The following MEI4 variants were observed in gnomAD, a reference collection of about 807,000 sequenced individuals.
The protein encoded by MEI4 is meiosis-specific protein MEI4.
Under a neutral mutation model 31.4 loss-of-function variants are expected in MEI4, and 27 were observed. The observed-to-expected ratio is 0.86, with a 90% CI of 0.63 to 1.19. MEI4 has a LOEUF of 1.19. Among genes scored for constraint, MEI4 ranks in the 50% most tolerant of loss-of-function variants. The pLI is 0.00. For missense variants in MEI4, 329 were observed against 398.9 expected (o/e 0.82, Z 1.49); for synonymous variants, 122 against 145.4 (o/e 0.84, Z 1.16).
chr6:77,701,935 C>G (rs1355322889), intron 2 of MEI4, among the ~76,000 whole-genome samples: 3 of 152,148 alleles, frequency 2.0e-5, no homozygotes, highest in African/African-American at 7.2e-5. Context: ...TTGGGAGCTT[C>G]CTGATCCTCT....
chr6:77,754,072 G>A (rs1186602358), intron 2 of MEI4, among the ~76,000 whole-genome samples: 3 of 152,028 alleles, frequency 2.0e-5, no homozygotes, highest in African/African-American at 7.2e-5. Flanking sequence ...GACACAGGGA[G>A]GGGAACATCA....
chr6:77,776,374 C>T (rs187602320), intron 3 of MEI4, among the ~76,000 whole-genome samples: 63 of 151,990 alleles, frequency 4.1e-4, no homozygotes, highest in South Asian at 4.2e-4. Flanking sequence ...TAGGCCATGC[C>T]GCTACCCACA....
chr6:77,880,498 T>C (rs1392346623), intron 4 of MEI4, among the ~76,000 whole-genome samples: 1 of 152,200 alleles, frequency 6.6e-6, no homozygotes, highest in African/African-American at 2.4e-5. Flanking sequence ...GTATAAAGAA[T>C]ATGTTATTTT....
chr6:77,814,289 G>T (rs544545911), intron 3 of MEI4, among the ~76,000 whole-genome samples: 1 of 152,220 alleles, frequency 6.6e-6, no homozygotes, highest in East Asian at 1.9e-4. Context: ...TTTAGCAAAT[G>T]AATATCTCAG....
At chr6:77,801,115 G>C (rs1023121608) in intron 3 of MEI4, among the ~76,000 whole-genome samples, 12 of 152,086 alleles carry the variant, frequency 7.9e-5, no homozygotes, top group Non-Finnish European at 1.2e-4. Context: ...GTGAATCCAT[G>C]TGGTCCTGGA....
intron 2 of MEI4, among the ~76,000 whole-genome samples, chr6:77,736,118 C>G (rs1361822562): frequency 6.6e-6 from 1 of 152,078 alleles, no homozygotes; most frequent in Non-Finnish European, 1.5e-5. Context: ...GAGGTGGAGC[C>G]TACAGAGGCA....
At chr6:77,819,054 A>G (rs1168183017) in intron 3 of MEI4, among the ~76,000 whole-genome samples, 1 of 152,200 alleles carries the variant, frequency 6.6e-6, no homozygotes, top group African/African-American at 2.4e-5. Context: ...TTATAAGAAA[A>G]TAAAATTTAA....
chr6:77,653,531 G>T (rs1581991122), intron 1 of MEI4, among the ~76,000 whole-genome samples: 1 of 152,122 alleles, frequency 6.6e-6, no homozygotes, highest in East Asian at 1.9e-4. Context: ...CTATGATTTT[G>T]CATTTATATA....
intron 1 of MEI4, among the ~76,000 whole-genome samples, chr6:77,679,019 A>G (rs1182561047): frequency 6.6e-6 from 1 of 152,238 alleles, no homozygotes; most frequent in South Asian, 2.1e-4. Context: ...TGTATTGGAT[A>G]TGGCTATACA....
intron 2 of MEI4, among the ~76,000 whole-genome samples, chr6:77,700,414 C>A (rs1766188674): frequency 6.6e-6 from 1 of 152,216 alleles, no homozygotes; most frequent in African/African-American, 2.4e-5. Flanking sequence ...ATATAATCTC[C>A]TGGTGTGCCG....
intron 1 of MEI4, among the ~76,000 whole-genome samples, chr6:77,679,665 G>A (rs9343640): frequency 0.14 from 21,694 of 151,910 alleles, 1,598 homozygotes; most frequent in Middle Eastern, 0.2. Flanking sequence ...CAAAGAAGAG[G>A]CCTAGAGACG....
intron 2 of MEI4, among the ~76,000 whole-genome samples, chr6:77,742,514 A>T (rs1767439337): frequency 6.6e-6 from 1 of 151,990 alleles, no homozygotes; most frequent in Non-Finnish European, 1.5e-5. Context: ...TAGATTCTGG[A>T]TATTAGCCCC....
chr6:77,700,104 C>T (rs1284217800), intron 2 of MEI4, among the ~76,000 whole-genome samples: 2 of 152,206 alleles, frequency 1.3e-5, no homozygotes, highest in African/African-American at 4.8e-5. Flanking sequence ...CTGGGAGAAC[C>T]ACTACTCTCT....
intron 2 of MEI4, among the ~76,000 whole-genome samples, chr6:77,739,034 G>T (rs966894158): frequency 6.6e-6 from 1 of 152,028 alleles, no homozygotes; most frequent in Non-Finnish European, 1.5e-5. Flanking sequence ...TCTGTCAGTT[G>T]CCTGTTCACT....
chr6:77,887,884 T>C (rs1249729996), intron 4 of MEI4, among the ~76,000 whole-genome samples: 2 of 152,228 alleles, frequency 1.3e-5, no homozygotes, highest in South Asian at 2.1e-4. Flanking sequence ...CCAACTGTTA[T>C]TGCATTGGAG....
At chr6:77,872,676 C>T (rs1385954276) in intron 4 of MEI4, among the ~76,000 whole-genome samples, 1 of 148,604 alleles carries the variant, frequency 6.7e-6, no homozygotes. Flanking sequence ...GTGTGCTGCA[C>T]CCATTAACTC....
chr6:77,920,834 A>G (rs1408739557), intron 4 of MEI4, among the ~76,000 whole-genome samples: 1 of 151,884 alleles, frequency 6.6e-6, no homozygotes, highest in Admixed American at 6.6e-5. Flanking sequence ...TTTTGAAAGG[A>G]ATCTTTTCTT....
chr6:77,856,228 T>C (rs560434327), intron 4 of MEI4, among the ~76,000 whole-genome samples: 8 of 152,304 alleles, frequency 5.3e-5, no homozygotes, highest in African/African-American at 1.9e-4. Flanking sequence ...TCTCCCACAG[T>C]GTACACTTAA....
chr6:77,678,771 C>T (rs1487274477), intron 1 of MEI4, among the ~76,000 whole-genome samples: 1 of 151,726 alleles, frequency 6.6e-6, no homozygotes, highest in East Asian at 1.9e-4. Context: ...CTACAGGACA[C>T]AATCTGCAAG....
Sources: allele counts gnomAD v4.1 joint callset (sites outside exome capture counted in the v4.1 genomes callset), GRCh38; gene constraint gnomAD v4.1.1; transcripts MANE v1.5; gene names NCBI Gene and HGNC (gene_info 2026-07-23, HGNC 2026-07-21).